NLRP11: variants seen among roughly 807,000 people sequenced by gnomAD.
NLRP11 encodes NACHT, LRR and PYD domains-containing protein 11.
NLRP11 carries 53 observed loss-of-function variants against 79.3 expected under a neutral mutation model. The ratio of observed to expected loss-of-function variants is 0.67; its 90% CI spans 0.54 to 0.84. The LOEUF is 0.84. Among genes scored for constraint, NLRP11 ranks in the 40% least tolerant of loss-of-function variants. NLRP11 has a pLI of 0.00. For missense variants in NLRP11, 1,264 were observed against 1,255.0 expected (o/e 1.01, Z -0.11); for synonymous variants, 518 against 462.6 (o/e 1.12, Z -1.54).
Position 55,802,415 on chromosome 19 carries a change from TATC to T in NLRP11, c.2004-679_2004-677del, listed in dbSNP as rs1979565970. ...GAGAGCCAAATCGGAAATGTAATTC[TATC>T]CACAATTGCTCACAAAGAATACCTA... On this transcript the variant is annotated intron_variant, in intron 4 of 9. Coordinates refer to ENST00000589093, the Ensembl canonical transcript of NLRP11. Among the ~76,000 whole-genome samples, 3 of 152,178 alleles carry T rather than the reference TATC, an allele frequency of 2.0e-5. No individual in the cohort carries two copies. The South Asian group carries it at 6.2e-4, about 32-fold the overall frequency.
chr19:55,827,610 T>C (rs1277670494), intron 1 of NLRP11, among the ~76,000 whole-genome samples: 1 of 147,390 alleles, frequency 6.8e-6, no homozygotes, highest in African/African-American at 2.6e-5. Flanking sequence ...GCAAAGGATA[T>C]AAACAGACAC....
intron 5 of NLRP11, among the ~76,000 whole-genome samples, chr19:55,800,432 C>T (rs999155179): frequency 3.3e-5 from 5 of 152,158 alleles, no homozygotes; most frequent in African/African-American, 7.2e-5. Flanking sequence ...TTCACCCTCT[C>T]GCATAGCTGG....
At chr19:55,806,408 A>G (rs916583505) in intron 4 of NLRP11, among the ~76,000 whole-genome samples, 1 of 152,172 alleles carries the variant, frequency 6.6e-6, no homozygotes, top group African/African-American at 2.4e-5. Flanking sequence ...CAACTCTCAC[A>G]TGGCAGTTTT....
At chr19:55,830,446 G>T (rs1468663177) in intron 1 of NLRP11, among the ~76,000 whole-genome samples, 1 of 151,900 alleles carries the variant, frequency 6.6e-6, no homozygotes, top group Non-Finnish European at 1.5e-5. Context: ...GTTCTTTAAG[G>T]TATGATTTTT....
chr19:55,808,247 G>A (rs562647596), intron 3 of NLRP11, among the ~76,000 whole-genome samples: 3 of 152,230 alleles, frequency 2.0e-5, no homozygotes, highest in South Asian at 2.1e-4. Context: ...CTTTAAATGC[G>A]AGATTATTAA....
At chr19:55,789,751 C>T (rs1287211080) in intron 7 of NLRP11, among the ~76,000 whole-genome samples, 1 of 152,232 alleles carries the variant, frequency 6.6e-6, no homozygotes, top group Non-Finnish European at 1.5e-5. Context: ...AGGCAACCTC[C>T]TCTGACATTC....
chr19:55,823,768 A>G (rs912543302), intron 1 of NLRP11, among the ~76,000 whole-genome samples: 3 of 150,142 alleles, frequency 2.0e-5, no homozygotes, highest in Admixed American at 6.7e-5. Context: ...CTATGTGAAA[A>G]GACCAAATCT....
At chr19:55,824,331 G>A (rs189968619) in intron 1 of NLRP11, among the ~76,000 whole-genome samples, 33,945 of 145,516 alleles carry the variant, frequency 0.23, 4,164 homozygotes, top group African/African-American at 0.28. Context: ...AAAGACCATC[G>A]AGACCAGGAA....
At chr19:55,810,933 T>C (rs1980546908) in intron 2 of NLRP11, among the ~76,000 whole-genome samples, 1 of 152,214 alleles carries the variant, frequency 6.6e-6, no homozygotes, top group South Asian at 2.1e-4. Context: ...CATATTTCTT[T>C]CCTTTTTGGG....
At chr19:55,792,395 G>T (rs202160511) in exon 7 of NLRP11, 3 of 1,613,936 alleles carry the variant, frequency 1.9e-6, no homozygotes, top group Non-Finnish European at 2.5e-6. Flanking sequence ...AGGTCTAGTT[G>T]TCTTAGAGTT....
intron 1 of NLRP11, among the ~76,000 whole-genome samples, chr19:55,819,310 C>T (rs1470444781): frequency 1.3e-5 from 2 of 152,154 alleles, no homozygotes; most frequent in Non-Finnish European, 2.9e-5. Context: ...ATGCCCCACA[C>T]ACAAACCTGT....
At chr19:55,811,970 TACACACACAC>T (rs3973377) in intron 2 of NLRP11, among the ~76,000 whole-genome samples, 3 of 149,210 alleles carry the variant, frequency 2.0e-5, no homozygotes, top group Admixed American at 2.0e-4. Context: ...TTCACACATG[TACACACACAC>T]ACACACACAC....
intron 1 of NLRP11, among the ~76,000 whole-genome samples, chr19:55,828,383 A>G (rs759945490): frequency 2.0e-4 from 30 of 151,384 alleles, no homozygotes; most frequent in Non-Finnish European, 3.7e-4. Context: ...AACCTGCACA[A>G]TGTGCACATG....
intron 5 of NLRP11, among the ~76,000 whole-genome samples, chr19:55,799,160 G>A (rs529358740): frequency 6.6e-6 from 1 of 152,152 alleles, no homozygotes; most frequent in Non-Finnish European, 1.5e-5. Context: ...CCAGCTACTT[G>A]GGAGGGTGAG....
chr19:55,832,671 A>C (rs1363525885), upstream of NLRP11, among the ~76,000 whole-genome samples: 1 of 152,226 alleles, frequency 6.6e-6, no homozygotes, highest in African/African-American at 2.4e-5. Context: ...ATAGGTGCAA[A>C]AGGGGAAATA....
At chr19:55,830,062 C>T (rs1982599060) in intron 1 of NLRP11, among the ~76,000 whole-genome samples, 1 of 152,178 alleles carries the variant, frequency 6.6e-6, no homozygotes, top group Non-Finnish European at 1.5e-5. Context: ...ATTTTTGAAA[C>T]TTCATGTATA....
intron 7 of NLRP11, 115 bp downstream of exon 7, chr19:55,792,186 G>T: frequency 1.1e-6 from 1 of 875,322 alleles, no homozygotes; most frequent in Non-Finnish European, 1.8e-6. Flanking sequence ...CCATGCTCCC[G>T]TACCCCTATC....
upstream of NLRP11, among the ~76,000 whole-genome samples, chr19:55,833,765 C>CAAAAAA (rs71182919): frequency 4.3e-5 from 1 of 23,490 alleles, no homozygotes; most frequent in African/African-American, 1.4e-4. Context: ...GACTCCGTCT[C>CAAAAAA]AAAAAAAAAA....
intron 4 of NLRP11, among the ~76,000 whole-genome samples, chr19:55,802,235 T>A (rs1292725909): frequency 1.3e-5 from 2 of 152,196 alleles, no homozygotes; most frequent in Non-Finnish European, 2.9e-5. Flanking sequence ...CTATCACTGT[T>A]TGCAGATGAC....
Sources: allele counts gnomAD v4.1 joint callset (sites outside exome capture counted in the v4.1 genomes callset), GRCh38; gene constraint gnomAD v4.1.1; transcripts MANE v1.5; gene names NCBI Gene and HGNC (gene_info 2026-07-23, HGNC 2026-07-21).